UPRT: variants seen among roughly 807,000 people sequenced by gnomAD.
The protein encoded by UPRT is uracil phosphoribosyltransferase homolog, also known as RP11-311P8.3.
Under a neutral mutation model 22.6 loss-of-function variants are expected in UPRT, and 5 were observed. That is an observed-to-expected ratio of 0.22 (90% CI 0.12 to 0.47). UPRT has a LOEUF of 0.47. Among genes scored for constraint, UPRT ranks in the 20% least tolerant of loss-of-function variants. The pLI, the probability that UPRT is intolerant of heterozygous loss-of-function variation, is 0.99. For missense variants in UPRT, 181 were observed against 239.9 expected (o/e 0.75, Z 1.62); for synonymous variants, 77 against 87.7 (o/e 0.88, Z 0.68).
At chrX:75,272,321 C>T (rs79880006), upstream of UPRT, among the ~76,000 whole-genome samples, 300 of 19,047 alleles carry the variant, frequency 0.016, 6 homozygotes, top group African/African-American at 0.03. Context: ...TGTATATATA[C>T]ATATATATGT....
At chrX:75,244,709 T>A (rs1481259255) in intron 4 of UPRT, among the ~76,000 whole-genome samples, 4 of 110,992 alleles carry the variant, frequency 3.6e-5, no homozygotes. Flanking sequence ...CAAAGATACC[T>A]GGCTAGTAAT....
At chrX:75,252,194 A>G (rs905089467) in intron 4 of UPRT, among the ~76,000 whole-genome samples, 1 of 112,364 alleles carries the variant, frequency 8.9e-6, no homozygotes, top group Non-Finnish European at 1.9e-5. Flanking sequence ...ATGGCAACAA[A>G]AGCCAAAATT....
intron 4 of UPRT, among the ~76,000 whole-genome samples, chrX:75,245,925 G>A (rs1309255695): frequency 2.7e-5 from 3 of 111,107 alleles, no homozygotes; most frequent in Non-Finnish European, 5.7e-5. Context: ...ACCTGCACAT[G>A]TACCCTTGAA....
At chrX:75,156,926 C>CACACACACACACACACACACAG (rs748263766) in intron 1 of UPRT, among the ~76,000 whole-genome samples, 3 of 108,931 alleles carry the variant, frequency 2.8e-5, no homozygotes, top group African/African-American at 1.0e-4. Flanking sequence ...CACACACACA[C>CACACACACACACACACACACAG]AGAGAGACTA....
chrX:75,291,258 A>C, intron 1 of UPRT: 1 of 224,209 alleles, frequency 4.5e-6, no homozygotes, highest in Non-Finnish European at 8.2e-6. Context: ...TAAATATTTG[A>C]TATTTGGTTT....
intron 4 of UPRT, among the ~76,000 whole-genome samples, chrX:75,238,266 T>G (rs2082476522): frequency 9.0e-6 from 1 of 110,691 alleles, no homozygotes; most frequent in Non-Finnish European, 1.9e-5. Flanking sequence ...CACATAAACT[T>G]AAGGTAAAGA....
At chrX:75,282,536 G>A (rs951427469) in intron 1 of UPRT, among the ~76,000 whole-genome samples, 3 of 111,295 alleles carry the variant, frequency 2.7e-5, no homozygotes, top group Non-Finnish European at 5.7e-5. Context: ...TTGACCCAGT[G>A]ATCATTCAGG....
intron 4 of UPRT, among the ~76,000 whole-genome samples, chrX:75,185,810 G>A (rs1447514978): frequency 9.0e-6 from 1 of 111,677 alleles, no homozygotes; most frequent in Non-Finnish European, 1.9e-5. Context: ...TATTTGCGTA[G>A]CGGTGTTTGT....
At chrX:75,286,084 G>A (rs746642444) in intron 1 of UPRT, among the ~76,000 whole-genome samples, 37 of 110,573 alleles carry the variant, frequency 3.3e-4, no homozygotes, top group East Asian at 5.7e-4. Context: ...AAAACCTGCC[G>A]GAAAAGCTTT....
intron 4 of UPRT, among the ~76,000 whole-genome samples, chrX:75,268,678 T>C (rs1364321382): frequency 3.3e-5 from 3 of 90,015 alleles, no homozygotes; most frequent in African/African-American, 1.1e-4. Context: ...TCTCAACAGA[T>C]GCAGGGAAGG....
chrX:75,205,799 A>C (rs2082364372), intron 4 of UPRT, among the ~76,000 whole-genome samples: 2 of 111,490 alleles, frequency 1.8e-5, no homozygotes, highest in African/African-American at 6.5e-5. Flanking sequence ...TTAGATGTTG[A>C]GTGAGGTGTA....
chrX:75,238,151 TG>T (rs1350597229), intron 4 of UPRT, among the ~76,000 whole-genome samples: 1 of 111,114 alleles, frequency 9.0e-6, no homozygotes, highest in African/African-American at 3.3e-5. Context: ...TGAATGCAAA[TG>T]GCCCTAAATG....
chrX:75,266,503 G>A (rs534172544), intron 4 of UPRT, among the ~76,000 whole-genome samples: 1 of 111,318 alleles, frequency 9.0e-6, no homozygotes, highest in East Asian at 2.8e-4. Context: ...GAAAACCTAG[G>A]CAATACCATT....
chrX:75,180,681 G>GTTTTTTTTTTTTGTTTTTTT (rs2082266200), intron 4 of UPRT, among the ~76,000 whole-genome samples: 60 of 43,897 alleles, frequency 1.4e-3, no homozygotes, highest in East Asian at 1.7e-3. Context: ...CCTTTTCTCT[G>GTTTTTTTTTTTTGTTTTTTT]TTTTTTTTTT....
At chrX:75,253,935 C>G (rs964874255) in intron 4 of UPRT, among the ~76,000 whole-genome samples, 6 of 111,487 alleles carry the variant, frequency 5.4e-5, no homozygotes, top group African/African-American at 2.0e-4. Context: ...GGTAAACTAG[C>G]AACCCATCTC....
chrX:75,299,435 G>A (rs1202428962), intron 4 of UPRT, among the ~76,000 whole-genome samples: 3 of 111,846 alleles, frequency 2.7e-5, no homozygotes, highest in Non-Finnish European at 5.6e-5. Flanking sequence ...AGCTCAGGGA[G>A]CTGCTCAACA....
intron 4 of UPRT, among the ~76,000 whole-genome samples, chrX:75,173,856 T>C (rs2082238383): frequency 8.9e-6 from 1 of 112,286 alleles, no homozygotes; most frequent in Non-Finnish European, 1.9e-5. Flanking sequence ...AAGTCCCTCA[T>C]TGCCCGGGGC....
chrX:75,253,276 G>T (rs187070558), intron 4 of UPRT, among the ~76,000 whole-genome samples: 1 of 112,123 alleles, frequency 8.9e-6, no homozygotes, highest in African/African-American at 3.2e-5. Flanking sequence ...TTTCAAAAGA[G>T]TACATATGTG....
intron 4 of UPRT, among the ~76,000 whole-genome samples, chrX:75,240,015 C>T (rs1386786921): frequency 1.8e-5 from 2 of 111,035 alleles, no homozygotes; most frequent in African/African-American, 6.5e-5. Flanking sequence ...AAGTTGAAAG[C>T]ATTTCCCTTG....
Sources: allele counts gnomAD v4.1 joint callset (sites outside exome capture counted in the v4.1 genomes callset), GRCh38; gene constraint gnomAD v4.1.1; transcripts MANE v1.5; gene names NCBI Gene and HGNC (gene_info 2026-07-23, HGNC 2026-07-21).